The following KCNQ5 variants were observed in gnomAD, a reference collection of about 807,000 sequenced individuals.
The protein encoded by KCNQ5 is potassium voltage-gated channel subfamily Q member 5.
In KCNQ5, 30 loss-of-function variants were observed where a neutral mutation model predicts 98.2. The ratio of observed to expected loss-of-function variants is 0.31; its 90% confidence interval spans 0.23 to 0.41. KCNQ5 has a LOEUF of 0.41. Ranked by LOEUF, KCNQ5 falls within the 10% of genes least tolerant of loss-of-function variation. KCNQ5 has a pLI of 1.00. For missense variants in KCNQ5, 835 were observed against 1,182.5 expected (o/e 0.71, Z 4.31); for synonymous variants, 458 against 449.4 (o/e 1.02, Z -0.24).
At chr6:73,083,818 T>C (rs920230972) in intron 5 of KCNQ5, among the ~76,000 whole-genome samples, 1 of 152,214 alleles carries the variant, frequency 6.6e-6, no homozygotes, top group Non-Finnish European at 1.5e-5. Context: ...AGAACATTTA[T>C]TTTACATTGA....
chr6:72,854,272 T>C (rs1414223074), intron 1 of KCNQ5, among the ~76,000 whole-genome samples: 2 of 726 alleles, frequency 2.8e-3, no homozygotes, highest in African/African-American at 4.1e-3. Flanking sequence ...ATAAATAAAT[T>C]TTTTTTTAAA....
At chr6:72,750,369 G>A (rs1158665190) in intron 1 of KCNQ5, among the ~76,000 whole-genome samples, 3 of 151,970 alleles carry the variant, frequency 2.0e-5, no homozygotes, top group Admixed American at 6.6e-5. Flanking sequence ...TTCAGAAAAG[G>A]AAATACCCTG....
At chr6:73,078,572 A>G (rs1773632215) in intron 5 of KCNQ5, among the ~76,000 whole-genome samples, 1 of 152,248 alleles carries the variant, frequency 6.6e-6, no homozygotes, top group Non-Finnish European at 1.5e-5. Context: ...CACTATCCAA[A>G]GGACAGAAAC....
chr6:72,982,487 C>CTTTTT lies in KCNQ5; in HGVS notation c.399-21403_399-21399dup, dbSNP rs141947372. Among the ~76,000 whole-genome samples the CTTTTT allele has an allele frequency of 1.1e-3, 65 of 60,282 alleles. 1 individual carries two copies. Among genetic ancestry groups the CTTTTT allele is most frequent in the African/African-American group, 4.0e-3 (55 of 13,684 alleles). 39.5% of individuals were successfully genotyped at this position (60,282 alleles called of 152,430 possible). A position where few individuals can be genotyped will look rare whatever the true frequency, so the allele number is the denominator to read the frequency against. ...TCAGAGACTAGGATTGCAACCCCTG[C>CTTTTT]TTTTTTTTTTTTTTTTTTTTTTGCT... On this transcript the variant is annotated intron_variant, in intron 1 of 13. Coordinates refer to ENST00000370398, the MANE Select transcript of KCNQ5 (RefSeq NM_019842.4).
At chr6:73,036,152 C>G (rs770280418) in intron 2 of KCNQ5, among the ~76,000 whole-genome samples, 1 of 151,642 alleles carries the variant, frequency 6.6e-6, no homozygotes, top group Admixed American at 6.6e-5. Context: ...TTTGGGAGGC[C>G]GAGGCAGGCA....
intron 1 of KCNQ5, among the ~76,000 whole-genome samples, chr6:72,660,802 G>C (rs1184257005): frequency 6.6e-6 from 1 of 152,108 alleles, no homozygotes; most frequent in Non-Finnish European, 1.5e-5. Flanking sequence ...TGTTCTTCAT[G>C]AGAACTAACA....
At chr6:72,767,430 A>C (rs1270495242) in intron 1 of KCNQ5, among the ~76,000 whole-genome samples, 2 of 152,038 alleles carry the variant, frequency 1.3e-5, no homozygotes, top group African/African-American at 2.4e-5. Flanking sequence ...GGTTTTGAGA[A>C]AGAATTATTA....
intron 1 of KCNQ5, among the ~76,000 whole-genome samples, chr6:72,698,686 C>T (rs1456528110): frequency 1.3e-4 from 14 of 108,226 alleles, no homozygotes; most frequent in African/African-American, 4.9e-4. Flanking sequence ...GATAAGATAT[C>T]ACTCTGTTGC....
At chr6:73,158,005 G>A (rs1562211699) in intron 10 of KCNQ5, 1 of 734,340 alleles carries the variant, frequency 1.4e-6, no homozygotes, top group African/African-American at 1.7e-5. Flanking sequence ...ATCAAGTAGG[G>A]TTCTCTGGGT....
intron 1 of KCNQ5, among the ~76,000 whole-genome samples, chr6:72,693,285 T>G (rs10080760): frequency 0.48 from 72,388 of 151,894 alleles, 20,397 homozygotes; most frequent in African/African-American, 0.8. Context: ...AGTTAGAAGA[T>G]AATCAGGAGA....
Position 73,048,307 on chromosome 6 carries a change from G to A in KCNQ5, c.616+6245G>A, listed in dbSNP as rs188842261. Reference sequence around the variant, plus strand: ...TTTAGACACAGATCTTTCCAGGCCAGGGAATAGTAATTGCAAGGATTATTA... The same window carrying A: ...TTTAGACACAGATCTTTCCAGGCCAAGGAATAGTAATTGCAAGGATTATTA... On this transcript the variant is annotated intron_variant, in intron 3 of 13. Coordinates refer to ENST00000370398, the MANE Select transcript of KCNQ5 (RefSeq NM_019842.4). 4.4e-4 allele frequency among the ~76,000 whole-genome samples: 67 copies of A among 152,294 alleles called. 1 individual carries two copies. The highest frequency in any genetic ancestry group is 2.4e-3 in the Admixed American group (37 of 15,290).
intron 8 of KCNQ5, 152 bp downstream of exon 8, chr6:73,120,729 C>A: frequency 2.3e-6 from 1 of 436,552 alleles, no homozygotes. Flanking sequence ...AGTAGCAGTT[C>A]TGGCACAAAA....
chr6:72,900,964 AT>A (rs1779479144), intron 1 of KCNQ5, among the ~76,000 whole-genome samples: 1 of 151,996 alleles, frequency 6.6e-6, no homozygotes, highest in African/African-American at 2.4e-5. Flanking sequence ...AGAATTGTCT[AT>A]TCATGTCCTT....
At chr6:72,912,070 A>C (rs1303692482) in intron 1 of KCNQ5, among the ~76,000 whole-genome samples, 1 of 152,158 alleles carries the variant, frequency 6.6e-6, no homozygotes, top group Admixed American at 6.6e-5. Flanking sequence ...ATTGGGGGAT[A>C]AAAGTACAAG....
At chr6:72,858,928 A>G (rs189515467) in intron 1 of KCNQ5, among the ~76,000 whole-genome samples, 4 of 152,286 alleles carry the variant, frequency 2.6e-5, no homozygotes, top group Non-Finnish European at 2.9e-5. Context: ...ATAGTTATGT[A>G]AGATGTTGCC....
intron 1 of KCNQ5, among the ~76,000 whole-genome samples, chr6:72,771,493 A>G (rs930286337): frequency 1.5e-4 from 23 of 152,088 alleles, no homozygotes; most frequent in African/African-American, 5.6e-4. Flanking sequence ...CCCAGCAGAT[A>G]TGAAGTTATA....
intron 1 of KCNQ5, among the ~76,000 whole-genome samples, chr6:72,937,009 A>G (rs1765954571): frequency 6.6e-6 from 1 of 152,204 alleles, no homozygotes; most frequent in African/African-American, 2.4e-5. Context: ...CTGGAGCTAT[A>G]TGCGTCTCCA....
At position 72,741,646 on chromosome 6, in the gene KCNQ5, C is replaced by A. The variant is rs188673330; in HGVS notation, c.398+119059C>A. The stretch of plus-strand genomic sequence containing the variant: ...CTTTGGAGCATTAGAATAGGAAAGA[C>A]ATACCTTAGATGATGTTATTGTGGC... On this transcript the variant is annotated intron_variant, in intron 1 of 13. Coordinates refer to ENST00000370398, the MANE Select transcript of KCNQ5 (RefSeq NM_019842.4). Among the ~76,000 whole-genome samples, 763 of 152,230 alleles carry A rather than the reference C, an allele frequency of 5.0e-3. 9 individuals carry two copies. The highest frequency in any genetic ancestry group is 0.018 in the African/African-American group (742 of 41,536).
chr6:73,157,420 A>C lies in KCNQ5; in HGVS notation c.1469-12326A>C, dbSNP rs1008458340. On this transcript the variant is annotated intron_variant, in intron 10 of 13. Transcript: ENST00000370398. ...CTGGGGGGCAGCGGCAGCTCTGCAC[A>C]GGCCGCCCGGGGGCGGGGGCGGTGG... is the stretch of plus-strand genomic sequence containing the variant. The C allele has an allele frequency of 1.1e-4, 70 of 636,328 alleles. No individual in the cohort carries two copies. In the East Asian group the frequency reaches 2.0e-3, roughly 18 times the overall value. The allele number at this position is 636,328 out of a possible 1,614,324, so 39.4% of individuals were successfully genotyped here. A position where few individuals can be genotyped will look rare whatever the true frequency, so the allele number is the denominator to read the frequency against.
Sources: gnomAD v4.1 joint callset for allele counts (sites outside exome capture counted in the v4.1 genomes callset) on GRCh38, gnomAD v4.1.1 for gene constraint, MANE v1.5 for transcripts, NCBI Gene and HGNC (gene_info 2026-07-23, HGNC 2026-07-21) for gene names.